The following NTNG1 variants were observed in gnomAD, a reference collection of about 807,000 sequenced individuals.
NTNG1 encodes the protein netrin-G1.
A neutral mutation model predicts 54.0 loss-of-function variants in NTNG1; 16 were observed. The ratio of observed to expected loss-of-function variants is 0.30; its 90% CI spans 0.20 to 0.45. The LOEUF is 0.45. Among genes scored for constraint, NTNG1 ranks in the 20% least tolerant of loss-of-function variants. NTNG1 has a pLI of 1.00. For missense variants in NTNG1, 530 were observed against 678.7 expected (o/e 0.78, Z 2.43); for synonymous variants, 255 against 263.1 (o/e 0.97, Z 0.30).
At chr1:107,359,109 A>G (rs1333166250) in intron 3 of NTNG1, among the ~76,000 whole-genome samples, 1 of 152,342 alleles carries the variant, frequency 6.6e-6, no homozygotes, top group Middle Eastern at 3.4e-3. Flanking sequence ...CAGTAGAGCT[A>G]TAGAGATTTG....
chr1:107,228,808 A>T (rs1254341711), intron 2 of NTNG1, among the ~76,000 whole-genome samples: 1 of 152,154 alleles, frequency 6.6e-6, no homozygotes, highest in East Asian at 1.9e-4. Context: ...CCACCAGCCA[A>T]TGGGGAGTCT....
At chr1:107,407,978 T>G in intron 5 of NTNG1, 2 of 658,676 alleles carry the variant, frequency 3.0e-6, no homozygotes. Flanking sequence ...TCAGGTGCAA[T>G]TCCTTAGATA....
intron 2 of NTNG1, among the ~76,000 whole-genome samples, chr1:107,177,287 A>G (rs1656712937): frequency 2.6e-5 from 4 of 152,102 alleles, no homozygotes; most frequent in Admixed American, 2.6e-4. Flanking sequence ...GAGCTATGAA[A>G]AGCAAGTCAC....
rs149832850 is a variant in NTNG1, at chr1:107,259,954, A to G, written c.247-64328A>G. Among the ~76,000 whole-genome samples the G allele has an allele frequency of 3.9e-5, 6 of 152,320 alleles. No individual in the cohort carries two copies. The East Asian group carries it at 1.2e-3, about 29-fold the overall frequency. ...GTCCAGAATAAGTCAGAAACTTGCT[A>G]AAAATACTGAGCTAGGTGAGAGGGA... On this transcript the variant is annotated intron_variant, in intron 2 of 7. Coordinates refer to ENST00000370068, the MANE Select transcript of NTNG1 (RefSeq NM_001113226.3).
At chr1:107,275,709 C>A (rs965407540) in intron 2 of NTNG1, among the ~76,000 whole-genome samples, 7 of 152,216 alleles carry the variant, frequency 4.6e-5, no homozygotes, top group African/African-American at 1.7e-4. Context: ...CCTTTATGTT[C>A]TATTCACTAA....
At chr1:107,340,345 C>T (rs957528981) in intron 3 of NTNG1, among the ~76,000 whole-genome samples, 1 of 151,966 alleles carries the variant, frequency 6.6e-6, no homozygotes, top group African/African-American at 2.4e-5. Context: ...ACTTGCAAGA[C>T]CACATGTTGT....
intron 3 of NTNG1, among the ~76,000 whole-genome samples, chr1:107,358,106 G>C (rs1447742493): frequency 6.6e-6 from 1 of 152,080 alleles, no homozygotes; most frequent in Non-Finnish European, 1.5e-5. Context: ...CTGTGAGAAA[G>C]TGTTTACATG....
intron 4 of NTNG1, among the ~76,000 whole-genome samples, chr1:107,404,276 G>T (rs1673259320): frequency 1.3e-5 from 2 of 151,938 alleles, no homozygotes; most frequent in Admixed American, 6.6e-5. Flanking sequence ...AAAAAGAATA[G>T]AAAGAAAATA....
At chr1:107,418,651 A>T in intron 5 of NTNG1, 1 of 1,580,020 alleles carries the variant, frequency 6.3e-7, no homozygotes, top group Non-Finnish European at 8.6e-7. Context: ...ACAAGGTAGG[A>T]GCATGTAAAA....
rs918368684 is a variant in NTNG1 at position 107,296,855 on chromosome 1, A to T, written c.247-27427A>T. ...TAACTAAGGATGATTATAAAAAGAT[A>T]ATCAGAGTACTTACCCTACAGGTTC... On this transcript the variant is annotated intron_variant, in intron 2 of 7. Transcript: ENST00000370068. 3.4e-5 allele frequency among the ~76,000 whole-genome samples: 5 copies of T among 149,202 alleles called. No individual in the cohort carries two copies. The East Asian group carries it at 5.8e-4, about 17-fold the overall frequency.
chr1:107,197,634 G>T (rs1476084739), intron 2 of NTNG1, among the ~76,000 whole-genome samples: 1 of 151,792 alleles, frequency 6.6e-6, no homozygotes, highest in Non-Finnish European at 1.5e-5. Flanking sequence ...TGAGATTTTG[G>T]CCCTCTGTCT....
chr1:107,359,668 T>A (rs1180357125), intron 3 of NTNG1, among the ~76,000 whole-genome samples: 1 of 152,150 alleles, frequency 6.6e-6, no homozygotes, highest in Non-Finnish European at 1.5e-5. Flanking sequence ...AATTTGGAGC[T>A]TCCTGTTTCT....
At chr1:107,436,835 A>G (rs1675630159) in intron 7 of NTNG1, 36 bp downstream of exon 7, 15 of 1,605,664 alleles carry the variant, frequency 9.3e-6, no homozygotes, top group Non-Finnish European at 1.3e-5. Flanking sequence ...TGCCTGCTGC[A>G]GCATGGCTGA....
intron 7 of NTNG1, among the ~76,000 whole-genome samples, chr1:107,438,163 A>T (rs972406956): frequency 6.6e-6 from 1 of 152,280 alleles, no homozygotes; most frequent in African/African-American, 2.4e-5. Context: ...ACTTCTAAGT[A>T]ATATAACTCC....
intron 7 of NTNG1, among the ~76,000 whole-genome samples, chr1:107,471,004 G>A (rs975135710): frequency 1.3e-5 from 2 of 152,178 alleles, no homozygotes; most frequent in Admixed American, 1.3e-4. Context: ...TTTCATGCTA[G>A]CCAGGATACT....
In NTNG1 at chr1:107,465,312, T is replaced by C. The variant is rs368137255; in HGVS notation, c.1391-15299T>C. Among the ~76,000 whole-genome samples, 53 of 152,348 alleles carry C rather than the reference T, an allele frequency of 3.5e-4. 1 individual carries two copies. The East Asian group carries it at 4.4e-3, about 13-fold the overall frequency. ...CTATAAAGATGAAAAAGGTGTCTAC[T>C]ACCTTTAAGGAATAGTGCTTATAGA... is the stretch of plus-strand genomic sequence containing the variant. On this transcript the variant is annotated intron_variant, in intron 7 of 7. Coordinates refer to ENST00000370068, the MANE Select transcript of NTNG1 (RefSeq NM_001113226.3).
intron 2 of NTNG1, among the ~76,000 whole-genome samples, chr1:107,298,448 A>G (rs1666115293): frequency 1.3e-5 from 2 of 152,170 alleles, no homozygotes; most frequent in African/African-American, 4.8e-5. Context: ...TATTCATATA[A>G]AAAGAAATCA....
At chr1:107,370,558 G>A (rs1196601030) in intron 3 of NTNG1, among the ~76,000 whole-genome samples, 1 of 150,778 alleles carries the variant, frequency 6.6e-6, no homozygotes, top group East Asian at 1.9e-4. Flanking sequence ...TCATTCTTAG[G>A]CCTTTCCATC....
intron 2 of NTNG1, among the ~76,000 whole-genome samples, chr1:107,276,976 AAAG>A (rs1344310719): frequency 6.6e-6 from 1 of 152,130 alleles, no homozygotes; most frequent in South Asian, 2.1e-4. Flanking sequence ...TGTGAGGAAA[AAAG>A]AAGAGGAAGC....
Sources: allele counts gnomAD v4.1 joint callset (sites outside exome capture counted in the v4.1 genomes callset), GRCh38; gene constraint gnomAD v4.1.1; transcripts MANE v1.5; gene names NCBI Gene and HGNC (gene_info 2026-07-23, HGNC 2026-07-21).